Variants in ERBB4 observed in about 807,000 individuals in gnomAD.
ERBB4 encodes the protein receptor tyrosine-protein kinase erbB-4.
ERBB4 carries 42 observed loss-of-function variants against 158.0 expected under a neutral mutation model. The ratio of observed to expected loss-of-function variants is 0.27; its 90% CI spans 0.21 to 0.34. ERBB4 has a LOEUF of 0.34. Ranked by LOEUF, ERBB4 falls within the 10% of genes least tolerant of loss-of-function variation. The pLI, the probability that ERBB4 is intolerant of heterozygous loss-of-function variation, is 1.00. For missense variants in ERBB4, 1,333 were observed against 1,624.1 expected (o/e 0.82, Z 3.08); for synonymous variants, 583 against 558.7 (o/e 1.04, Z -0.61).
At chr2:211,527,366 T>C (rs1218037595) in intron 20 of ERBB4, among the ~76,000 whole-genome samples, 5 of 151,956 alleles carry the variant, frequency 3.3e-5, no homozygotes, top group African/African-American at 4.8e-5. Context: ...CCTTAAAGCA[T>C]GAAGGAGAAA....
chr2:211,889,323 C>T (rs1038504409), intron 3 of ERBB4, among the ~76,000 whole-genome samples: 1 of 145,538 alleles, frequency 6.9e-6, no homozygotes, highest in Non-Finnish European at 1.5e-5. Context: ...TTCCAACAGA[C>T]CTGCAGCTGA....
At chr2:211,541,453 C>CT (rs979004964) in intron 20 of ERBB4, among the ~76,000 whole-genome samples, 4 of 151,868 alleles carry the variant, frequency 2.6e-5, no homozygotes, top group Non-Finnish European at 4.4e-5. Flanking sequence ...TTTCACTGGT[C>CT]TTTTTTTATA....
intron 3 of ERBB4, among the ~76,000 whole-genome samples, chr2:211,794,327 G>A (rs1017698241): frequency 1.3e-5 from 2 of 151,708 alleles, no homozygotes; most frequent in Non-Finnish European, 2.9e-5. Context: ...CTGATTACCC[G>A]AGCCACTTAT....
chr2:211,739,856 G>C (rs1458030359), intron 5 of ERBB4, among the ~76,000 whole-genome samples: 2 of 152,090 alleles, frequency 1.3e-5, no homozygotes, highest in African/African-American at 4.8e-5. Flanking sequence ...TAAAAATATA[G>C]CTTAATTTTA....
chr2:212,466,846 T>C (rs1379690776), intron 1 of ERBB4, among the ~76,000 whole-genome samples: 1 of 152,224 alleles, frequency 6.6e-6, no homozygotes, highest in East Asian at 1.9e-4. Context: ...TGGGAAAGTT[T>C]GGAACTTCCT....
intron 3 of ERBB4, among the ~76,000 whole-genome samples, chr2:211,823,226 G>A (rs2077031601): frequency 6.6e-6 from 1 of 151,890 alleles, no homozygotes; most frequent in African/African-American, 2.4e-5. Flanking sequence ...GAATCATCTT[G>A]GGGCAATAGG....
At chr2:211,554,017 A>C (rs2067172518) in intron 20 of ERBB4, among the ~76,000 whole-genome samples, 1 of 152,236 alleles carries the variant, frequency 6.6e-6, no homozygotes, top group Admixed American at 6.5e-5. Flanking sequence ...GACAATAACA[A>C]GTATTATTCA....
chr2:211,706,169 A>T (rs2073432338), intron 9 of ERBB4, among the ~76,000 whole-genome samples: 1 of 152,216 alleles, frequency 6.6e-6, no homozygotes, highest in Admixed American at 6.6e-5. Context: ...ATTAAATTTT[A>T]TCCATTGGCT....
rs66500425 is a variant in ERBB4 at position 211,875,050 on chromosome 2, A to AAAC, written c.421+72379_421+72380insGTT. On this transcript the variant is annotated intron_variant, in intron 3 of 27. Transcript: ENST00000342788. The stretch of plus-strand genomic sequence containing the variant: ...CAAAAAAAAAAAAAAAAAAAAAAAA[A>AAAC]CAAACTCAAATAAAATGCTTTTAAT... 8.6e-3 allele frequency among the ~76,000 whole-genome samples: 646 copies of AAAC among 75,080 alleles called. 6 individuals are homozygous for AAAC. Among genetic ancestry groups the AAAC allele is most frequent in the East Asian group, 0.014 (43 of 3,176 alleles). The allele number at this position is 75,080 out of a possible 152,430, so 49.3% of individuals were successfully genotyped here.
chr2:212,301,532 T>A (rs2086621557), intron 1 of ERBB4, among the ~76,000 whole-genome samples: 1 of 151,388 alleles, frequency 6.6e-6, no homozygotes, highest in Admixed American at 6.6e-5. Context: ...TAATTAAGCA[T>A]TTAATTTGAC....
At chr2:212,275,834 C>A (rs551034880) in intron 1 of ERBB4, among the ~76,000 whole-genome samples, 1 of 151,922 alleles carries the variant, frequency 6.6e-6, no homozygotes, top group African/African-American at 2.4e-5. Context: ...ACAATATTAA[C>A]CTTAAATTTA....
intron 20 of ERBB4, among the ~76,000 whole-genome samples, chr2:211,475,523 A>G (rs2064932507): frequency 6.6e-6 from 1 of 152,110 alleles, no homozygotes. Context: ...CATCAGTTGA[A>G]TCTGAAGAAC....
chr2:211,552,881 T>G (rs1010064167), intron 20 of ERBB4, among the ~76,000 whole-genome samples: 5 of 152,212 alleles, frequency 3.3e-5, no homozygotes, highest in African/African-American at 9.6e-5. Context: ...TTGCTCCTCT[T>G]CAGTAATAGA....
At chr2:212,100,160 T>C (rs2079043523) in intron 2 of ERBB4, among the ~76,000 whole-genome samples, 1 of 152,212 alleles carries the variant, frequency 6.6e-6, no homozygotes, top group Non-Finnish European at 1.5e-5. Flanking sequence ...CTGCAATAGA[T>C]CTAACTGACA....
intron 25 of ERBB4, among the ~76,000 whole-genome samples, chr2:211,402,725 T>G (rs2063070542): frequency 6.6e-6 from 1 of 151,966 alleles, no homozygotes; most frequent in Admixed American, 6.6e-5. Flanking sequence ...CAGCCTGCAA[T>G]AAAGTTTTAA....
intron 16 of ERBB4, among the ~76,000 whole-genome samples, chr2:211,635,520 TG>T (rs950957204): frequency 3.9e-5 from 6 of 152,156 alleles, no homozygotes; most frequent in Non-Finnish European, 7.4e-5. Flanking sequence ...GAATATAAAA[TG>T]TGAGAGGACA....
intron 20 of ERBB4, among the ~76,000 whole-genome samples, chr2:211,535,179 C>A (rs1328210359): frequency 6.6e-6 from 1 of 151,808 alleles, no homozygotes; most frequent in African/African-American, 2.4e-5. Flanking sequence ...CCTTTTGTGG[C>A]TTAATAAAAG....
intron 2 of ERBB4, among the ~76,000 whole-genome samples, chr2:211,980,667 T>C (rs1468111138): frequency 1.3e-5 from 2 of 152,168 alleles, no homozygotes; most frequent in Non-Finnish European, 2.9e-5. Flanking sequence ...GACACCTCCT[T>C]AGATTCAGTA....
At chr2:211,661,526 CTAA>C (rs1305616210) in intron 15 of ERBB4, among the ~76,000 whole-genome samples, 5 of 152,106 alleles carry the variant, frequency 3.3e-5, no homozygotes, top group Admixed American at 3.3e-4. Flanking sequence ...TTTGTTAGTA[CTAA>C]TGACTTATAA....
Sources: allele counts gnomAD v4.1 joint callset (sites outside exome capture counted in the v4.1 genomes callset), GRCh38; gene constraint gnomAD v4.1.1; transcripts MANE v1.5; gene names NCBI Gene and HGNC (gene_info 2026-07-23, HGNC 2026-07-21).